The following TRAPPC6A variants were observed in gnomAD, a reference collection of about 807,000 sequenced individuals.
The protein encoded by TRAPPC6A is trafficking protein particle complex subunit 6A.
In TRAPPC6A, 25 loss-of-function variants were observed where a neutral mutation model predicts 20.8. The observed-to-expected ratio is 1.20, with a 90% confidence interval of 0.88 to 1.68. The LOEUF (loss-of-function observed/expected upper bound fraction) is 1.68. Ranked by LOEUF, TRAPPC6A falls within the 40% of genes most tolerant of loss-of-function variation. TRAPPC6A has a pLI of 0.00. For missense variants in TRAPPC6A, 215 were observed against 211.6 expected, an observed-to-expected ratio of 1.02 and a Z score of -0.10; for synonymous variants, 96 against 93.3, an observed-to-expected ratio of 1.03 and a Z score of -0.16.
chr19:45,178,009 C>A, intron 1 of TRAPPC6A, 126 bp downstream of exon 1: 2 of 1,520,854 alleles, frequency 1.3e-6, no homozygotes, highest in Non-Finnish European at 1.8e-6. Context: ...GAAGCCAGGG[C>A]CAGACGTTGC....
Position 45,164,855 on chromosome 19 carries a change from G to A in TRAPPC6A, c.268C>T (p.Gln90Ter), listed in dbSNP as rs772482637. The change falls in exon 3 of 6, where the codon CAG becomes TAG. Residue 90 changes from glutamine (Q) to a stop codon, truncating the protein, a stop_gained and splice_region_variant. Transcript: ENST00000585934. LOFTEE classifies it high-confidence loss of function. ...KQMDSLRTNH[Q>*]GTYVLQDNSF... ...CGGGCAGGCCGGGGTGCTCCCACCTGGTGATTGGTGCGCAGGCTGTCCATC... is the reference window on the plus strand; with the variant it reads ...CGGGCAGGCCGGGGTGCTCCCACCTAGTGATTGGTGCGCAGGCTGTCCATC... 3.1e-6 allele frequency: 5 copies of A among 1,613,610 alleles called. No homozygotes were observed. The highest frequency in any genetic ancestry group is 1.1e-5 in the South Asian group (1 of 91,086).
chr19:45,170,273 A>G (rs1242250001), intron 1 of TRAPPC6A, among the ~76,000 whole-genome samples: 1 of 152,172 alleles, frequency 6.6e-6, no homozygotes, highest in Non-Finnish European at 1.5e-5. Flanking sequence ...GCCCTGCTGG[A>G]GCTGGCGTTT....
In TRAPPC6A at chr19:45,172,892, G is replaced by A. The variant is rs1028842132; in HGVS notation, c.84+5243C>T. 1.6e-4 allele frequency among the ~76,000 whole-genome samples: 24 copies of A among 151,710 alleles called. No individual in the cohort carries two copies. The highest frequency in any genetic ancestry group is 3.4e-4 in the Non-Finnish European group (23 of 68,034). On this transcript the variant is annotated intron_variant, in intron 1 of 5. Transcript: ENST00000585934. The surrounding 1 kb of genome is among the most constrained non-coding windows in gnomAD (Gnocchi z 4.2). ...CGGCTATGGCTCCCACTGCCTTCGGGATGGAGCCCCAGTTCCCAGGAGGGC... is the reference window on the plus strand; with the variant it reads ...CGGCTATGGCTCCCACTGCCTTCGGAATGGAGCCCCAGTTCCCAGGAGGGC...
rs1033558309 is a variant in TRAPPC6A at position 45,163,107 on chromosome 19, C to T, written c.*85G>A. On this transcript the variant is annotated 3_prime_UTR_variant, in exon 6 of 6. Coordinates refer to ENST00000585934, the MANE Select transcript of TRAPPC6A (RefSeq NM_001270891.2). This position sits in a 1 kb window ranked among gnomAD's most constrained non-coding sequence, Gnocchi z 5.3. ...CCCCTAGGGCCTGGGATTCCCAAGA[C>T]CACCCCGAAATGCAGCGGCCCCACC... 7.1e-6 allele frequency: 11 copies of T among 1,544,706 alleles called. No homozygotes were observed. The highest frequency in any genetic ancestry group is 3.5e-5 in the Admixed American group (2 of 57,156).
In TRAPPC6A at chr19:45,163,132, C is replaced by T. The variant is rs987113203; in HGVS notation, c.*60G>A. The T allele has an allele frequency of 5.1e-5, 82 of 1,604,818 alleles. No homozygotes were observed. In the African/African-American group the frequency reaches 7.0e-4, roughly 14 times the overall value. On this transcript the variant is annotated 3_prime_UTR_variant, in exon 6 of 6. Coordinates refer to ENST00000585934, the MANE Select transcript of TRAPPC6A (RefSeq NM_001270891.2). This position sits in a 1 kb window ranked among gnomAD's most constrained non-coding sequence, Gnocchi z 5.3. ...CCACCCCGAAATGCAGCGGCCCCAC[C>T]GTCTCCTGAGGCCGGTGAGGCCAGG...
In TRAPPC6A at chr19:45,163,360, G is replaced by T; in HGVS notation, c.449-137C>A. 1.1e-6 allele frequency: 1 copy of T among 915,162 alleles called. No homozygotes were observed. The highest frequency in any genetic ancestry group is 1.7e-6 in the Non-Finnish European group (1 of 588,368). 56.7% of individuals were successfully genotyped at this position (915,162 alleles called of 1,614,324 possible). A position where few individuals can be genotyped will look rare whatever the true frequency, so the allele number is the denominator to read the frequency against. ...TTGGGCTGTTTCCTCCCGCCCACGG[G>T]GCCGCATCCCTGAGCTGTGTGAGTA... On this transcript the variant is annotated intron_variant, in intron 5 of 5. Transcript: ENST00000585934. This position sits in a 1 kb window ranked among gnomAD's most constrained non-coding sequence, Gnocchi z 5.3.
intron 1 of TRAPPC6A, among the ~76,000 whole-genome samples, chr19:45,168,347 G>A (rs1281489105): frequency 6.6e-6 from 1 of 152,198 alleles, no homozygotes; most frequent in East Asian, 1.9e-4. Context: ...AAACCAGTAA[G>A]ACATTTACTC....
Position 45,163,194 on chromosome 19 carries a change from AG to A in TRAPPC6A, c.477del (p.Ter160LysfsTer?). The A allele has an allele frequency of 1.9e-6, 3 of 1,613,898 alleles. No homozygotes were observed. Among genetic ancestry groups the A allele is most frequent in the Non-Finnish European group, 2.5e-6 (3 of 1,179,872 alleles). On this transcript the variant is annotated frameshift_variant, in exon 6 of 6. Coordinates refer to ENST00000585934, the MANE Select transcript of TRAPPC6A (RefSeq NM_001270891.2). LOFTEE classifies it high-confidence loss of function. This position sits in a 1 kb window ranked among gnomAD's most constrained non-coding sequence, Gnocchi z 5.3. ...GGCTCAGCAGGTGCGAGGCAGGCTT[AG>A]GATTTCGGAATCACCACCTGGAACT... Reference protein sequence around the residue: ...VCKFQVVIPKS With the variant: ...VCKFQVVIPKX
In TRAPPC6A at chr19:45,164,028, C is replaced by A. The variant is rs1233214504; in HGVS notation, c.355-19G>T. ...CCAGGAACTGAGGAGGGAACACAGA[C>A]CAGCATGGGAAGAGAGGGGAGGCCA... On this transcript the variant is annotated intron_variant, in intron 4 of 5. Transcript: ENST00000585934. The A allele has an allele frequency of 1.9e-6, 3 of 1,563,880 alleles. No individual in the cohort carries two copies. The African/African-American group carries it at 4.1e-5, about 21-fold the overall frequency.
chr19:45,165,892 G>C (rs933766222), intron 1 of TRAPPC6A, among the ~76,000 whole-genome samples: 3 of 152,110 alleles, frequency 2.0e-5, no homozygotes, highest in African/African-American at 7.2e-5. Flanking sequence ...GGCATGGCTG[G>C]AGGAGAGGAG....
At chr19:45,164,385 T>C in intron 3 of TRAPPC6A, 138 bp from the exon 4 acceptor site, 1 of 643,054 alleles carries the variant, frequency 1.6e-6, no homozygotes, top group African/African-American at 1.8e-5. Flanking sequence ...AGTCACAGCC[T>C]TGGCCTCCAG....
intron 1 of TRAPPC6A, among the ~76,000 whole-genome samples, chr19:45,174,538 C>T (rs569745879): frequency 6.6e-6 from 1 of 152,238 alleles, no homozygotes; most frequent in South Asian, 2.1e-4. Flanking sequence ...TCAGACGCAT[C>T]CTGGCAGGGC....
At chr19:45,170,592 A>G (rs1299343104) in intron 1 of TRAPPC6A, among the ~76,000 whole-genome samples, 1 of 151,958 alleles carries the variant, frequency 6.6e-6, no homozygotes, top group Non-Finnish European at 1.5e-5. Flanking sequence ...CCCTTCATGA[A>G]CTTCACACTG....
At chr19:45,170,992 G>A (rs1969256684) in intron 1 of TRAPPC6A, among the ~76,000 whole-genome samples, 1 of 152,236 alleles carries the variant, frequency 6.6e-6, no homozygotes, top group Non-Finnish European at 1.5e-5. Flanking sequence ...TCAGAGGTTA[G>A]GGGTTTATCT....
At position 45,173,261 on chromosome 19, in the gene TRAPPC6A, CCT is replaced by C. The variant is rs779413935; in HGVS notation, c.84+4872_84+4873del. Among the ~76,000 whole-genome samples, 6 of 151,826 alleles carry C rather than the reference CCT, an allele frequency of 4.0e-5. No individual in the cohort carries two copies. The highest frequency in any genetic ancestry group is 7.4e-5 in the Non-Finnish European group (5 of 67,944). On this transcript the variant is annotated intron_variant, in intron 1 of 5. Coordinates refer to ENST00000585934, the MANE Select transcript of TRAPPC6A (RefSeq NM_001270891.2). The surrounding 1 kb of genome is among the most constrained non-coding windows in gnomAD (Gnocchi z 4.8). ...TTAGAGAACAAAGGCCTTCCTGGCC[CCT>C]CTGGCCGGTCCTCCAGTTCACAACC...
chr19:45,177,204 C>CACACAT (rs1969403916), intron 1 of TRAPPC6A, among the ~76,000 whole-genome samples: 1 of 150,796 alleles, frequency 6.6e-6, no homozygotes. Context: ...CACACACACA[C>CACACAT]ACACACACAC....
intron 1 of TRAPPC6A, among the ~76,000 whole-genome samples, chr19:45,175,825 T>C (rs906742705): frequency 2.6e-5 from 4 of 152,092 alleles, no homozygotes; most frequent in Admixed American, 2.0e-4. Context: ...ATATGGAGTG[T>C]TGGGACATTA....
chr19:45,175,503 CAGG>C (rs936837835), intron 1 of TRAPPC6A, among the ~76,000 whole-genome samples: 1 of 151,656 alleles, frequency 6.6e-6, no homozygotes, highest in Non-Finnish European at 1.5e-5. Flanking sequence ...AGAGGGAGAC[CAGG>C]AGAATGTATA....
At chr19:45,175,754 A>T (rs559232096) in intron 1 of TRAPPC6A, among the ~76,000 whole-genome samples, 3 of 152,166 alleles carry the variant, frequency 2.0e-5, no homozygotes, top group Admixed American at 2.0e-4. Flanking sequence ...GGAGGGCTGC[A>T]GGTGAGGGAG....
Sources: gnomAD v4.1 joint callset for allele counts (sites outside exome capture counted in the v4.1 genomes callset) on GRCh38, gnomAD v4.1.1 for gene constraint, Gnocchi (gnomAD v3.1) non-coding constraint, MANE v1.5 for transcripts, NCBI Gene and HGNC (gene_info 2026-07-23, HGNC 2026-07-21) for gene names.